Variants in HS6ST3 observed in about 807,000 individuals in gnomAD.
HS6ST3 encodes the protein heparan-sulfate 6-O-sulfotransferase 3.
Under a neutral mutation model 36.7 loss-of-function variants are expected in HS6ST3, and 12 were observed. That is an observed-to-expected ratio of 0.33 (90% CI 0.21 to 0.53). HS6ST3 has a LOEUF of 0.53. Ranked by LOEUF, HS6ST3 falls within the 20% of genes least tolerant of loss-of-function variation. The probability of loss-of-function intolerance (pLI) is 0.95; values close to 1 mark genes in which losing one functional copy is unlikely to be tolerated. For synonymous variants in HS6ST3, 240 were observed against 257.5 expected (o/e 0.93, Z 0.65); for missense variants, 584 against 640.9 (o/e 0.91, Z 0.96).
intron 1 of HS6ST3, among the ~76,000 whole-genome samples, chr13:96,284,907 T>TTTTC (rs1555295577): frequency 7.0e-5 from 9 of 129,484 alleles, no homozygotes; most frequent in African/African-American, 2.8e-4. Context: ...TGAATGCATA[T>TTTTC]TTGCTTTCTT....
intron 1 of HS6ST3, among the ~76,000 whole-genome samples, chr13:96,350,492 A>C (rs1284188312): frequency 6.6e-6 from 1 of 152,248 alleles, no homozygotes; most frequent in Admixed American, 6.5e-5. Flanking sequence ...AAGCATAAAT[A>C]GCATTTATAT....
intron 1 of HS6ST3, among the ~76,000 whole-genome samples, chr13:96,415,340 T>C (rs2055527662): frequency 6.6e-6 from 1 of 152,184 alleles, no homozygotes; most frequent in African/African-American, 2.4e-5. Flanking sequence ...GTCGTGCTGA[T>C]GAAAGGGACA....
At chr13:96,716,001 GC>G (rs1875686217) in intron 1 of HS6ST3, among the ~76,000 whole-genome samples, 1 of 151,288 alleles carries the variant, frequency 6.6e-6, no homozygotes, top group African/African-American at 2.4e-5. Flanking sequence ...AATCTTCTGT[GC>G]CTTTTCTCTG....
chr13:96,616,223 C>G (rs990934848), intron 1 of HS6ST3, among the ~76,000 whole-genome samples: 1 of 152,100 alleles, frequency 6.6e-6, no homozygotes, highest in Non-Finnish European at 1.5e-5. Context: ...TGGTAATGGT[C>G]TGGAATTCAT....
intron 1 of HS6ST3, among the ~76,000 whole-genome samples, chr13:96,267,925 C>A (rs1198377432): frequency 6.6e-6 from 1 of 151,844 alleles, no homozygotes; most frequent in Non-Finnish European, 1.5e-5. Context: ...AACACTCAGG[C>A]CTCTTCTCAT....
At chr13:96,264,265 G>A (rs1170073876) in intron 1 of HS6ST3, among the ~76,000 whole-genome samples, 1 of 152,146 alleles carries the variant, frequency 6.6e-6, no homozygotes, top group Non-Finnish European at 1.5e-5. Context: ...ACCAGAAGAG[G>A]TACTGAAGTG....
chr13:96,217,408 C>T (rs994130183), intron 1 of HS6ST3, among the ~76,000 whole-genome samples: 1 of 152,132 alleles, frequency 6.6e-6, no homozygotes, highest in African/African-American at 2.4e-5. Flanking sequence ...ATCTGGTTCC[C>T]CTCCTTCAGA....
chr13:96,345,186 T>G (rs941018063), intron 1 of HS6ST3, among the ~76,000 whole-genome samples: 1 of 152,210 alleles, frequency 6.6e-6, no homozygotes, highest in East Asian at 1.9e-4. Flanking sequence ...AGGAGGATTC[T>G]TCCTTAGAGT....
At chr13:96,496,037 T>G (rs1345020443) in intron 1 of HS6ST3, among the ~76,000 whole-genome samples, 1 of 152,190 alleles carries the variant, frequency 6.6e-6, no homozygotes, top group Non-Finnish European at 1.5e-5. Flanking sequence ...CAGGCCTGTC[T>G]TGCTGTTTGG....
intron 1 of HS6ST3, among the ~76,000 whole-genome samples, chr13:96,351,668 A>G (rs2055184974): frequency 6.6e-6 from 1 of 152,192 alleles, no homozygotes; most frequent in Admixed American, 6.5e-5. Context: ...CAAACTGATG[A>G]ATACTGATGG....
intron 1 of HS6ST3, among the ~76,000 whole-genome samples, chr13:96,170,650 A>G (rs553930851): frequency 6.6e-6 from 1 of 152,286 alleles, no homozygotes; most frequent in South Asian, 2.1e-4. Flanking sequence ...AGATTGATAA[A>G]GACCTCACTG....
At chr13:96,528,122 G>A (rs939489355) in intron 1 of HS6ST3, among the ~76,000 whole-genome samples, 10 of 152,040 alleles carry the variant, frequency 6.6e-5, no homozygotes, top group African/African-American at 2.4e-4. Context: ...TTTTTAATAC[G>A]ATGAGAAGTA....
At chr13:96,377,891 G>A (rs1408703837) in intron 1 of HS6ST3, among the ~76,000 whole-genome samples, 5 of 152,192 alleles carry the variant, frequency 3.3e-5, no homozygotes, top group Admixed American at 6.6e-5. Context: ...ACCAAAGGAC[G>A]TGCAAGTTGG....
chr13:96,407,529 CA>C (rs1428728776), intron 1 of HS6ST3, among the ~76,000 whole-genome samples: 1 of 152,188 alleles, frequency 6.6e-6, no homozygotes, highest in Non-Finnish European at 1.5e-5. Context: ...AATAGGCGTT[CA>C]CCTGGTTAGA....
At chr13:96,327,292 G>A (rs201719359) in intron 1 of HS6ST3, among the ~76,000 whole-genome samples, 1 of 150,600 alleles carries the variant, frequency 6.6e-6, no homozygotes, top group Non-Finnish European at 1.5e-5. Context: ...AGGTTTTCTT[G>A]TAGGGTTTTT....
At chr13:96,567,041 G>C (rs975017929) in intron 1 of HS6ST3, among the ~76,000 whole-genome samples, 2 of 152,058 alleles carry the variant, frequency 1.3e-5, no homozygotes, top group Non-Finnish European at 2.9e-5. Context: ...TGTACATATA[G>C]TTTATTAGAG....
At chr13:96,446,133 A>C (rs374910375) in intron 1 of HS6ST3, among the ~76,000 whole-genome samples, 1 of 151,542 alleles carries the variant, frequency 6.6e-6, no homozygotes, top group Non-Finnish European at 1.5e-5. Context: ...AGATCACACC[A>C]CTGCACTCCA....
At chr13:96,822,239 A>G (rs906495268) in intron 1 of HS6ST3, among the ~76,000 whole-genome samples, 2 of 152,202 alleles carry the variant, frequency 1.3e-5, no homozygotes, top group Admixed American at 1.3e-4. Context: ...ACCCGCATGC[A>G]TAAACCACAG....
chr13:96,653,837 CGT>C (rs1363589966), intron 1 of HS6ST3, among the ~76,000 whole-genome samples: 4 of 152,112 alleles, frequency 2.6e-5, no homozygotes, highest in Non-Finnish European at 4.4e-5. Context: ...AGTGTAAAAG[CGT>C]TCTTATTTCT....
Sources: allele counts gnomAD v4.1 joint callset (sites outside exome capture counted in the v4.1 genomes callset), GRCh38; gene constraint gnomAD v4.1.1; transcripts MANE v1.5; gene names NCBI Gene and HGNC (gene_info 2026-07-23, HGNC 2026-07-21).